The following TAB2 variants were observed in gnomAD, a reference collection of about 807,000 sequenced individuals.
TAB2 encodes TGF-beta-activated kinase 1 and MAP3K7-binding protein 2.
Under a neutral mutation model 65.0 loss-of-function variants are expected in TAB2, and 3 were observed. The ratio of observed to expected loss-of-function variants is 0.05; its 90% confidence interval spans 0.02 to 0.12. The LOEUF (loss-of-function observed/expected upper bound fraction) is 0.12, where lower values mean the gene tolerates loss of function less well. Ranked by LOEUF, TAB2 falls within the 10% of genes least tolerant of loss-of-function variation. TAB2 has a pLI of 1.00. For synonymous variants in TAB2, 298 were observed against 285.1 expected (o/e 1.05, Z -0.46); for missense variants, 623 against 840.3 (o/e 0.74, Z 3.20).
intron 1 of TAB2, among the ~76,000 whole-genome samples, chr6:149,249,779 TA>T (rs1777822357): frequency 6.6e-6 from 1 of 152,212 alleles, no homozygotes; most frequent in African/African-American, 2.4e-5. Context: ...TGACAGTCAG[TA>T]ACTGCCTACT....
intron 3 of TAB2, among the ~76,000 whole-genome samples, chr6:149,392,638 C>T (rs1260026805): frequency 6.6e-6 from 1 of 152,132 alleles, no homozygotes; most frequent in Non-Finnish European, 1.5e-5. Flanking sequence ...TTTCTCCACT[C>T]CTTCATTCAG....
intron 1 of TAB2, among the ~76,000 whole-genome samples, chr6:149,281,018 G>A (rs1388916967): frequency 6.6e-6 from 1 of 151,664 alleles, no homozygotes; most frequent in Non-Finnish European, 1.5e-5. Flanking sequence ...CCTTAAGACA[G>A]AGGAAAATAA....
At chr6:149,300,790 G>T (rs557528283) in intron 1 of TAB2, among the ~76,000 whole-genome samples, 2 of 152,140 alleles carry the variant, frequency 1.3e-5, no homozygotes, top group African/African-American at 4.8e-5. Context: ...GAGCACTGGG[G>T]GGGTGAAAGG....
intron 1 of TAB2, among the ~76,000 whole-genome samples, chr6:149,242,894 A>T (rs1488141479): frequency 4.6e-5 from 7 of 152,226 alleles, no homozygotes; most frequent in African/African-American, 1.7e-4. Context: ...AAATGACAAC[A>T]GTTCTCTCCC....
intron 1 of TAB2, among the ~76,000 whole-genome samples, chr6:149,352,147 A>C (rs913975263): frequency 7.9e-5 from 12 of 152,168 alleles, no homozygotes; most frequent in African/African-American, 2.4e-4. Flanking sequence ...TTTTATTTTT[A>C]AAAGTTAGAT....
At chr6:149,403,250 ATAT>A (rs1562456190) in intron 6 of TAB2, among the ~76,000 whole-genome samples, 186 of 15,514 alleles carry the variant, frequency 0.012, 4 homozygotes, top group South Asian at 0.043. Context: ...AAAAAAAAAT[ATAT>A]ATATATATAT....
intron 1 of TAB2, among the ~76,000 whole-genome samples, chr6:149,276,353 C>T (rs184974524): frequency 3.3e-5 from 5 of 152,208 alleles, no homozygotes; most frequent in Admixed American, 2.0e-4. Context: ...GGTTTGTATT[C>T]TATTGGAAGC....
Position 149,275,139 on chromosome 6 carries a change from T to TTTTTAA in TAB2, c.-121+56367_-121+56368insAATTTT, listed in dbSNP as rs56122402. ...TCTCTTCTTCTGTTTTTTTTTTTTT[T>TTTTTAA]TTTTGAGTTGGAGTCTTGCTCTATT... On this transcript the variant is annotated intron_variant, in intron 1 of 1. Coordinates refer to the TAB2 transcript ENST00000606202. 2.6e-5 allele frequency among the ~76,000 whole-genome samples: 3 copies of TTTTTAA among 113,480 alleles called. 1 individual carries two copies. The highest frequency in any genetic ancestry group is 2.6e-4 in the East Asian group (1 of 3,822). 74.4% of individuals were successfully genotyped at this position (113,480 alleles called of 152,430 possible). A position where few individuals can be genotyped will look rare whatever the true frequency, so the allele number is the denominator to read the frequency against.
chr6:149,265,850 G>A (rs1562393517), intron 1 of TAB2, among the ~76,000 whole-genome samples: 1 of 152,102 alleles, frequency 6.6e-6, no homozygotes, highest in Non-Finnish European at 1.5e-5. Context: ...CCCACCGCAG[G>A]TCCCACATAA....
At chr6:149,281,224 A>G (rs1778566713) in intron 1 of TAB2, among the ~76,000 whole-genome samples, 1 of 152,142 alleles carries the variant, frequency 6.6e-6, no homozygotes, top group Non-Finnish European at 1.5e-5. Context: ...ATATAACAAT[A>G]ATGGCAGAAA....
intron 1 of TAB2, among the ~76,000 whole-genome samples, chr6:149,281,020 G>A (rs1778562873): frequency 6.6e-6 from 1 of 151,700 alleles, no homozygotes; most frequent in Non-Finnish European, 1.5e-5. Flanking sequence ...TTAAGACAGA[G>A]GAAAATAATA....
chr6:149,260,927 G>A (rs1174440948), intron 1 of TAB2, among the ~76,000 whole-genome samples: 1 of 152,114 alleles, frequency 6.6e-6, no homozygotes, highest in Non-Finnish European at 1.5e-5. Context: ...GCATTTTTAT[G>A]TTTAGGGCCC....
chr6:149,366,110 T>C (rs1781031928), intron 1 of TAB2, among the ~76,000 whole-genome samples: 1 of 152,170 alleles, frequency 6.6e-6, no homozygotes, highest in Admixed American at 6.5e-5. Context: ...TTGCCTTTTC[T>C]CTTGAGTATG....
chr6:149,331,645 G>T (rs1271506325), intron 1 of TAB2, among the ~76,000 whole-genome samples: 1 of 152,160 alleles, frequency 6.6e-6, no homozygotes, highest in Non-Finnish European at 1.5e-5. Context: ...TCACCAGTAA[G>T]TATATGTTAG....
intron 1 of TAB2, among the ~76,000 whole-genome samples, chr6:149,311,994 A>G (rs1271931061): frequency 6.6e-6 from 1 of 152,240 alleles, no homozygotes; most frequent in East Asian, 1.9e-4. Context: ...TTTTTATGAA[A>G]GAGACTACAA....
intron 1 of TAB2, among the ~76,000 whole-genome samples, chr6:149,318,274 G>GT (rs1554258496): frequency 3.9e-4 from 9 of 23,018 alleles, no homozygotes; most frequent in Non-Finnish European, 2.4e-3. Context: ...GCGTCCGTGC[G>GT]GGGGGGGAGG....
At chr6:149,330,065 C>T (rs1410007748) in intron 1 of TAB2, among the ~76,000 whole-genome samples, 1 of 150,728 alleles carries the variant, frequency 6.6e-6, no homozygotes, top group African/African-American at 2.5e-5. Flanking sequence ...TTACATAAAT[C>T]GTACGTGATG....
chr6:149,303,355 A>C (rs946370744), intron 1 of TAB2, among the ~76,000 whole-genome samples: 2 of 152,218 alleles, frequency 1.3e-5, no homozygotes, highest in Non-Finnish European at 2.9e-5. Context: ...CCTAGTGCTA[A>C]AAATGTTGAG....
intron 1 of TAB2, among the ~76,000 whole-genome samples, chr6:149,368,210 C>A (rs1781102010): frequency 6.6e-6 from 1 of 151,928 alleles, no homozygotes; most frequent in Admixed American, 6.6e-5. Context: ...CCTCAGAAGC[C>A]ACATGAAGAA....
Sources: allele counts gnomAD v4.1 joint callset (sites outside exome capture counted in the v4.1 genomes callset), GRCh38; gene constraint gnomAD v4.1.1; transcripts MANE v1.5; gene names NCBI Gene and HGNC (gene_info 2026-07-23, HGNC 2026-07-21).